Variants in MAP3K4 observed in about 807,000 individuals in gnomAD.
MAP3K4 encodes the protein mitogen-activated protein kinase kinase kinase 4, also known as MAP three kinase 1.
Under a neutral mutation model 185.6 loss-of-function variants are expected in MAP3K4, and 67 were observed. The ratio of observed to expected loss-of-function variants is 0.36; its 90% CI spans 0.30 to 0.44. MAP3K4 has a LOEUF of 0.44. Among genes scored for constraint, MAP3K4 ranks in the 20% least tolerant of loss-of-function variants. The probability of loss-of-function intolerance (pLI) is 1.00; values close to 1 mark genes in which losing one functional copy is unlikely to be tolerated. For missense variants in MAP3K4, 1,551 were observed against 1,995.1 expected (o/e 0.78, Z 4.24); for synonymous variants, 702 against 710.4 (o/e 0.99, Z 0.19).
intron 1 of MAP3K4, among the ~76,000 whole-genome samples, chr6:161,002,204 G>A (rs777922441): frequency 1.5e-4 from 23 of 151,944 alleles, no homozygotes; most frequent in Non-Finnish European, 2.6e-4. Flanking sequence ...GAACTGTAAC[G>A]CTACTGATTG....
At chr6:161,020,607 G>A (rs369228954) in intron 1 of MAP3K4, among the ~76,000 whole-genome samples, 4 of 148,542 alleles carry the variant, frequency 2.7e-5, no homozygotes, top group African/African-American at 1.0e-4. Flanking sequence ...GTGGTGAGCC[G>A]AGATCGCACC....
chr6:161,093,314 T>C lies in MAP3K4; in HGVS notation c.3348+258T>C, dbSNP rs1777410134. On this transcript the variant is annotated intron_variant, in intron 14 of 26. Transcript: ENST00000392142. The surrounding 1 kb of genome is among the most constrained non-coding windows in gnomAD (Gnocchi z 5.2). The stretch of plus-strand genomic sequence containing the variant: ...CCTTCTAAAATATTTGTGAGATTTA[T>C]ATTTTTACTGCCATCATAGCTGCTG... 6.6e-6 allele frequency among the ~76,000 whole-genome samples: 1 copy of C among 152,238 alleles called. No individual in the cohort carries two copies. Among genetic ancestry groups the C allele is most frequent in the Non-Finnish European group, 1.5e-5 (1 of 68,044 alleles).
Position 161,114,619 on chromosome 6 carries a change from CACTT to C in MAP3K4, c.4627-502_4627-499del, listed in dbSNP as rs774655206. On this transcript the variant is annotated intron_variant, in intron 25 of 26. Coordinates refer to ENST00000392142, the MANE Select transcript of MAP3K4 (RefSeq NM_005922.4). This position sits in a 1 kb window ranked among gnomAD's most constrained non-coding sequence, Gnocchi z 4.3. ...AGTTTAGAAATTAGAATGCCATACA[CACTT>C]AGTTCCTTCCCCTGTGAATCTCATT... Among the ~76,000 whole-genome samples, 5 of 152,374 alleles carry C rather than the reference CACTT, an allele frequency of 3.3e-5. No homozygotes were observed. The East Asian group carries it at 7.7e-4, about 23-fold the overall frequency.
rs775872552 is a variant in MAP3K4 at position 161,106,723 on chromosome 6, C to G, written c.4048+18C>G. On this transcript the variant is annotated intron_variant, in intron 20 of 26. Coordinates refer to ENST00000392142, the MANE Select transcript of MAP3K4 (RefSeq NM_005922.4). This position sits in a 1 kb window ranked among gnomAD's most constrained non-coding sequence, Gnocchi z 4.9. Reference sequence around the variant, plus strand: ...CAAAATTGGTAAGGAAATTAAGGAGCATGATGTCAAGATAGTCCCTGTTAG... The same window carrying G: ...CAAAATTGGTAAGGAAATTAAGGAGGATGATGTCAAGATAGTCCCTGTTAG... The G allele has an allele frequency of 1.8e-5, 28 of 1,594,180 alleles. No homozygotes were observed. The Admixed American group carries it at 2.7e-4, about 16-fold the overall frequency.
rs62435488 is a variant in MAP3K4, at chr6:161,071,159, A to T, written c.1950+309A>T. Among the ~76,000 whole-genome samples the T allele has an allele frequency of 0.02, 3,101 of 152,238 alleles. 40 individuals carry two copies. Among genetic ancestry groups the T allele is most frequent in the South Asian group, 0.035 (169 of 4,818 alleles). ...AAGAGGTAGAGTATAAGATTCTTAA[A>T]TTTATTTATTTTTTCTATTTGAAGT... On this transcript the variant is annotated intron_variant, in intron 4 of 26. Coordinates refer to ENST00000392142, the MANE Select transcript of MAP3K4 (RefSeq NM_005922.4). The surrounding 1 kb of genome is among the most constrained non-coding windows in gnomAD (Gnocchi z 4.6).
chr6:161,104,043 G>A (rs1334376323), intron 19 of MAP3K4, among the ~76,000 whole-genome samples: 1 of 152,130 alleles, frequency 6.6e-6, no homozygotes, highest in Non-Finnish European at 1.5e-5. Context: ...TTCAAATCAA[G>A]TACTTTGTGG....
At position 161,101,795 on chromosome 6, in the gene MAP3K4, C is replaced by T; in HGVS notation, c.3675-97C>T. On this transcript the variant is annotated intron_variant, in intron 17 of 26. Transcript: ENST00000392142. The surrounding 1 kb of genome is among the most constrained non-coding windows in gnomAD (Gnocchi z 5.1). ...GAGTTGTTCCTGGCAGGCAGAGTTGCCCCCAGTTGAGAATTATTGCTCTAG... is the reference window on the plus strand; with the variant it reads ...GAGTTGTTCCTGGCAGGCAGAGTTGTCCCCAGTTGAGAATTATTGCTCTAG... The T allele has an allele frequency of 1.0e-6, 1 of 985,090 alleles. No homozygotes were observed. 61.0% of individuals were successfully genotyped at this position (985,090 alleles called of 1,614,324 possible).
chr6:160,992,476 C>T (rs1283909774), intron 1 of MAP3K4: 2 of 232,052 alleles, frequency 8.6e-6, no homozygotes, highest in Non-Finnish European at 1.7e-5. Context: ...CCCCTCTGCC[C>T]TCATTCGAGT....
chr6:161,086,705 TTTC>T lies in MAP3K4; in HGVS notation c.2556+39_2556+41del. ...AATGTTGTGATTGAAACATTTTGCC[TTTC>T]CTTCTTTATTCTAAAACAGGCAGAC... On this transcript the variant is annotated intron_variant, in intron 9 of 26. Transcript: ENST00000392142. This position sits in a 1 kb window ranked among gnomAD's most constrained non-coding sequence, Gnocchi z 4.8. 6.5e-7 allele frequency: 1 copy of T among 1,545,176 alleles called. No homozygotes were observed. Among genetic ancestry groups the T allele is most frequent in the Non-Finnish European group, 8.9e-7 (1 of 1,127,778 alleles).
chr6:161,044,742 G>A (rs375722566), intron 2 of MAP3K4, among the ~76,000 whole-genome samples: 13 of 152,300 alleles, frequency 8.5e-5, no homozygotes, highest in African/African-American at 3.1e-4. Context: ...ATACAAGCGT[G>A]GCACCAATAT....
In MAP3K4 at chr6:161,098,748, CAGAG is replaced by C. The variant is rs1562539270; in HGVS notation, c.3674+326_3674+329del. On this transcript the variant is annotated intron_variant, in intron 17 of 26. Transcript: ENST00000392142. This position sits in a 1 kb window ranked among gnomAD's most constrained non-coding sequence, Gnocchi z 4.4. ...AAGGGGACATGAGCATTTTGCCTCA[CAGAG>C]AGAGCCTGGAGTCACAAGGTGGTTA... Among the ~76,000 whole-genome samples, 1 of 152,308 alleles carries C rather than the reference CAGAG, an allele frequency of 6.6e-6. No homozygotes were observed. The highest frequency in any genetic ancestry group is 1.9e-4 in the East Asian group (1 of 5,184).
At chr6:161,019,545 T>TA (rs1782276770) in intron 1 of MAP3K4, among the ~76,000 whole-genome samples, 1 of 152,196 alleles carries the variant, frequency 6.6e-6, no homozygotes, top group Non-Finnish European at 1.5e-5. Flanking sequence ...TAGCTGGAAT[T>TA]ACAGGCGTGT....
Position 161,074,002 on chromosome 6 carries a change from G to A in MAP3K4, c.2097+390G>A, listed in dbSNP as rs530473507. On this transcript the variant is annotated intron_variant, in intron 5 of 26. Transcript: ENST00000392142. This position sits in a 1 kb window ranked among gnomAD's most constrained non-coding sequence, Gnocchi z 5.0. ...AAATATGGTCCTATGTTAGTGAACC[G>A]TCTGTCATCAGCCATTTTTATAATA... is the stretch of plus-strand genomic sequence containing the variant. Among the ~76,000 whole-genome samples, 9 of 152,334 alleles carry A rather than the reference G, an allele frequency of 5.9e-5. No individual in the cohort carries two copies. The highest frequency in any genetic ancestry group is 4.1e-4 in the South Asian group (2 of 4,830).
At chr6:161,041,940 T>G (rs1017632856) in intron 2 of MAP3K4, among the ~76,000 whole-genome samples, 1 of 135,278 alleles carries the variant, frequency 7.4e-6, no homozygotes, top group Non-Finnish European at 1.6e-5. Context: ...TTTTTTTTTT[T>G]AGAGATGGGG....
In MAP3K4 at chr6:160,996,010, A is replaced by C. The variant is rs1237726954; in HGVS notation, c.152+3927A>C. 6.6e-6 allele frequency among the ~76,000 whole-genome samples: 1 copy of C among 152,188 alleles called. No homozygotes were observed. The highest frequency in any genetic ancestry group is 1.5e-5 in the Non-Finnish European group (1 of 68,038). ...ATATTTATTGTAAATTCATTTGAAA[A>C]ACTGGATTTCCTACTAAAAAACTAG... is the stretch of plus-strand genomic sequence containing the variant. On this transcript the variant is annotated intron_variant, in intron 1 of 26. Transcript: ENST00000392142. This position sits in a 1 kb window ranked among gnomAD's most constrained non-coding sequence, Gnocchi z 4.5.
In MAP3K4 at chr6:161,087,820, A is replaced by T; in HGVS notation, c.2689A>T (p.Ile897Phe). The T allele has an allele frequency of 6.2e-7, 1 of 1,614,150 alleles. No homozygotes were observed. The highest frequency in any genetic ancestry group is 2.2e-5 in the East Asian group (1 of 44,870). The change falls in exon 10 of 27, where the codon ATC (isoleucine) becomes TTC (phenylalanine). Residue 897 changes from isoleucine (I) to phenylalanine (F), a missense_variant. Around this residue, in one of 16 missense-constraint regions of MAP3K4, gnomAD observed 261 missense variants for 306.5 expected, o/e 0.85. Transcript: ENST00000392142. The surrounding 1 kb of genome is among the most constrained non-coding windows in gnomAD (Gnocchi z 4.9). ...DCSKDSDDVL[I>F]DAYLLLTKHG... The stretch of plus-strand genomic sequence containing the variant: ...TTCAAAAGATTCAGATGACGTACTC[A>T]TCGATGCCTATCTGCTTCTGACCAA...
intron 11 of MAP3K4, among the ~76,000 whole-genome samples, chr6:161,089,839 G>A (rs1785937580): frequency 6.6e-6 from 1 of 152,172 alleles, no homozygotes; most frequent in Non-Finnish European, 1.5e-5. Context: ...TATCAGCAGT[G>A]TGTAATAGAA....
At chr6:161,039,835 G>A (rs902965989) in intron 2 of MAP3K4, among the ~76,000 whole-genome samples, 7 of 152,174 alleles carry the variant, frequency 4.6e-5, no homozygotes, top group Non-Finnish European at 1.0e-4. Flanking sequence ...AATAGGTGGA[G>A]GCCATTGTTC....
Position 160,991,996 on chromosome 6 carries a change from TGGA to T in MAP3K4, c.70_72del (p.Glu24del). The T allele has an allele frequency of 3.2e-6, 5 of 1,543,824 alleles. No individual in the cohort carries two copies. The highest frequency in any genetic ancestry group is 4.3e-6 in the Non-Finnish European group (5 of 1,151,684). On this transcript the variant is annotated inframe_deletion, in exon 1 of 27. Transcript: ENST00000392142. This position sits in a 1 kb window ranked among gnomAD's most constrained non-coding sequence, Gnocchi z 5.7. ...TTTGCCGTCACGCCTGCCGCCGCCATGGAGGAGCCGCCGCCACCGCCGCCGCCG... is the reference window on the plus strand; with the variant it reads ...TTTGCCGTCACGCCTGCCGCCGCCATGGAGCCGCCGCCACCGCCGCCGCCG...
Sources: allele counts gnomAD v4.1 joint callset (sites outside exome capture counted in the v4.1 genomes callset), GRCh38; gene constraint gnomAD v4.1.1; regional missense constraint gnomAD v4.1.1; non-coding constraint Gnocchi (gnomAD v3.1); transcripts MANE v1.5; gene names NCBI Gene and HGNC (gene_info 2026-07-23, HGNC 2026-07-21).